The following DOCK5 variants were observed in gnomAD, a reference collection of about 807,000 sequenced individuals.
DOCK5 encodes the protein dedicator of cytokinesis protein 5.
Under a neutral mutation model 251.8 loss-of-function variants are expected in DOCK5, and 142 were observed. The ratio of observed to expected loss-of-function variants is 0.56; its 90% CI spans 0.49 to 0.65. DOCK5 has a LOEUF of 0.65. Among genes scored for constraint, DOCK5 ranks in the 30% least tolerant of loss-of-function variants. The probability of loss-of-function intolerance (pLI) is 0.00; values close to 1 mark genes in which losing one functional copy is unlikely to be tolerated. For synonymous variants in DOCK5, 842 were observed against 835.5 expected, an observed-to-expected ratio of 1.01 and a Z score of -0.13; for missense variants, 2,111 against 2,312.3, an observed-to-expected ratio of 0.91 and a Z score of 1.79.
chr8:25,192,767 C>T (rs944168434), intron 1 of DOCK5, among the ~76,000 whole-genome samples: 2 of 152,224 alleles, frequency 1.3e-5, no homozygotes, highest in Non-Finnish European at 2.9e-5. Flanking sequence ...CTGTCTTGGC[C>T]TCCCAAAGTA....
chr8:25,403,798 ACTCCTTTG>A, intron 48 of DOCK5, 74 bp downstream of exon 48: 1 of 1,501,992 alleles, frequency 6.7e-7, no homozygotes, highest in Admixed American at 2.0e-5. Context: ...GCCACGCATC[ACTCCTTTG>A]AGAAAAATAG....
chr8:25,398,244 T>C (rs1801380100), intron 45 of DOCK5, among the ~76,000 whole-genome samples: 1 of 152,200 alleles, frequency 6.6e-6, no homozygotes, highest in Admixed American at 6.6e-5. Context: ...GTTACAACTT[T>C]CAAAAATTTC....
chr8:25,240,842 G>T (rs1165546415), intron 1 of DOCK5, among the ~76,000 whole-genome samples: 1 of 152,124 alleles, frequency 6.6e-6, no homozygotes, highest in African/African-American at 2.4e-5. Context: ...TCTGGAGATG[G>T]GAGTTAGGAA....
At chr8:25,278,115 C>T (rs957731582) in intron 4 of DOCK5, among the ~76,000 whole-genome samples, 9 of 152,176 alleles carry the variant, frequency 5.9e-5, no homozygotes, top group Non-Finnish European at 5.9e-5. Flanking sequence ...GTATCCCCCA[C>T]CTCTACCCTG....
At chr8:25,270,358 C>G (rs1258035313) in intron 3 of DOCK5, among the ~76,000 whole-genome samples, 1 of 152,130 alleles carries the variant, frequency 6.6e-6, no homozygotes, top group East Asian at 1.9e-4. Context: ...TTCTGGGATC[C>G]TCAGTGACAC....
At chr8:25,263,734 C>T (rs1216683290) in intron 2 of DOCK5, among the ~76,000 whole-genome samples, 3 of 151,708 alleles carry the variant, frequency 2.0e-5, no homozygotes, top group Non-Finnish European at 1.5e-5. Flanking sequence ...CACGGATGCC[C>T]ACCTCGGTCC....
intron 28 of DOCK5, among the ~76,000 whole-genome samples, chr8:25,360,022 G>C (rs571869616): frequency 6.6e-6 from 1 of 152,180 alleles, no homozygotes; most frequent in Non-Finnish European, 1.5e-5. Flanking sequence ...AGGATGTGCC[G>C]CTGGATTAGC....
chr8:25,240,270 A>T (rs990945480), intron 1 of DOCK5, among the ~76,000 whole-genome samples: 1 of 151,264 alleles, frequency 6.6e-6, no homozygotes, highest in Non-Finnish European at 1.5e-5. Context: ...TAAGAAGTAA[A>T]TCTACTTAAA....
At chr8:25,288,669 G>A (rs1199811343) in intron 5 of DOCK5, among the ~76,000 whole-genome samples, 1 of 152,168 alleles carries the variant, frequency 6.6e-6, no homozygotes. Context: ...CAAATGCGTT[G>A]CAAGAAAGAA....
At chr8:25,348,129 C>T (rs1741596649) in intron 26 of DOCK5, among the ~76,000 whole-genome samples, 1 of 152,160 alleles carries the variant, frequency 6.6e-6, no homozygotes, top group African/African-American at 2.4e-5. Flanking sequence ...AGTTCAATAT[C>T]TCTTCTCTTA....
At chr8:25,259,973 T>A (rs964385630) in intron 2 of DOCK5, among the ~76,000 whole-genome samples, 5 of 152,180 alleles carry the variant, frequency 3.3e-5, no homozygotes, top group African/African-American at 2.4e-5. Context: ...CCCAGTGAGT[T>A]CCATGTGGAG....
At chr8:25,245,079 C>T (rs776551447) in intron 2 of DOCK5, among the ~76,000 whole-genome samples, 23 of 152,166 alleles carry the variant, frequency 1.5e-4, no homozygotes, top group African/African-American at 3.1e-4. Flanking sequence ...TTTTTTGAGA[C>T]GGAGTCTCGC....
Position 25,400,997 on chromosome 8 carries a change from TG to T in DOCK5, c.4858del (p.Glu1620SerfsTer14), listed in dbSNP as rs1409834357. ...TCACAGAGCAGCTGAAGCCGCTGCA[TG>T]AGCGGTTGTCTTCTTGCTTCCGGGA... ...KLTEQLKPLH[E>X]RLSSCFRELK... On this transcript the variant is annotated frameshift_variant, in exon 47 of 52. Coordinates refer to ENST00000276440, the MANE Select transcript of DOCK5 (RefSeq NM_024940.8). LOFTEE classifies it high-confidence loss of function. The T allele has an allele frequency of 6.2e-7, 1 of 1,614,026 alleles. No individual in the cohort carries two copies. Among genetic ancestry groups the T allele is most frequent in the Non-Finnish European group, 8.5e-7 (1 of 1,179,890 alleles).
Position 25,243,739 on chromosome 8 carries a change from A to G in DOCK5, c.109A>G (p.Ile37Val), listed in dbSNP as rs1008094428. The G allele has an allele frequency of 2.5e-6, 4 of 1,613,628 alleles. No homozygotes were observed. Among genetic ancestry groups the G allele is most frequent in the Non-Finnish European group, 3.4e-6 (4 of 1,179,740 alleles). The stretch of plus-strand genomic sequence containing the variant: ...CTTGCAGATCGGTGACACAGTTCAC[A>G]TCCTGGAGATGTACGAGGGTAAGTC... ...LSLQIGDTVH[I>V]LEMYEGWYRG... Residue 37 changes from isoleucine to valine, a missense_variant, in exon 2 of 52, where the codon ATC (isoleucine) becomes GTC (valine). Coordinates refer to ENST00000276440, the MANE Select transcript of DOCK5 (RefSeq NM_024940.8).
At position 25,292,074 on chromosome 8, in the gene DOCK5, G is replaced by A. The variant is rs35475676; in HGVS notation, c.372G>A (p.Leu124=). The change falls in exon 6 of 52, where the codon CTG becomes CTA. Residue 124 remains leucine, a synonymous_variant. Coordinates refer to ENST00000276440, the MANE Select transcript of DOCK5 (RefSeq NM_024940.8). ...AGCTGCAGCAGATGACGTACAGCCT[G>A]ATCGAGTGGCGGTCCCAGATCCTGT... ...FRQLQQMTYS[L]IEWRSQILSG... is the part of the protein sequence containing the mutation. 4,329 of 1,603,142 alleles carry A rather than the reference G, an allele frequency of 2.7e-3. 99 individuals carry two copies. In the African/African-American group the frequency reaches 0.053, roughly 19 times the overall value.
Position 25,363,161 on chromosome 8 carries a change from G to A in DOCK5, c.3044+20G>A, listed in dbSNP as rs752229800. The A allele has an allele frequency of 7.5e-6, 12 of 1,605,560 alleles. No homozygotes were observed. The highest frequency in any genetic ancestry group is 8.5e-6 in the Non-Finnish European group (10 of 1,172,624). On this transcript the variant is annotated intron_variant, in intron 29 of 51. Transcript: ENST00000276440. ...AAACAGGTGAGACAGCCCATGGCTG[G>A]CCCTGAGGCATTTGTCTGAATACCT... is the stretch of plus-strand genomic sequence containing the variant.
intron 1 of DOCK5, among the ~76,000 whole-genome samples, chr8:25,217,775 A>C (rs1265951643): frequency 6.6e-6 from 1 of 152,216 alleles, no homozygotes; most frequent in Non-Finnish European, 1.5e-5. Flanking sequence ...ACATTGAATC[A>C]TGTAGTGAGG....
chr8:25,214,852 A>G (rs1469907159), intron 1 of DOCK5, among the ~76,000 whole-genome samples: 1 of 152,230 alleles, frequency 6.6e-6, no homozygotes, highest in Non-Finnish European at 1.5e-5. Flanking sequence ...GTCATGGTAC[A>G]GCACAGAGGA....
chr8:25,359,847 A>T lies in DOCK5; in HGVS notation c.2949+786A>T, dbSNP rs757985990. ...TTCAGATGAAAATATTTTGTTCTCT[A>T]TTGTTTTAAGCAGGAAAATTGTTCT... On this transcript the variant is annotated intron_variant, in intron 28 of 51. Coordinates refer to ENST00000276440, the MANE Select transcript of DOCK5 (RefSeq NM_024940.8). Among the ~76,000 whole-genome samples, 34 of 152,202 alleles carry T rather than the reference A, an allele frequency of 2.2e-4. 1 individual carries two copies. The highest frequency in any genetic ancestry group is 4.4e-4 in the Non-Finnish European group (30 of 68,020).
Sources: allele counts gnomAD v4.1 joint callset (sites outside exome capture counted in the v4.1 genomes callset), GRCh38; gene constraint gnomAD v4.1.1; transcripts MANE v1.5; gene names NCBI Gene and HGNC (gene_info 2026-07-23, HGNC 2026-07-21).